KIAA0753: variants seen among roughly 807,000 people sequenced by gnomAD.
KIAA0753 encodes protein moonraker.
A neutral mutation model predicts 116.9 loss-of-function variants in KIAA0753; 114 were observed. That is an observed-to-expected ratio of 0.98 (90% CI 0.84 to 1.14). The LOEUF (loss-of-function observed/expected upper bound fraction) is 1.14, where lower values mean the gene tolerates loss of function less well. Among genes scored for constraint, KIAA0753 ranks in the 50% most tolerant of loss-of-function variants. KIAA0753 has a pLI of 0.00. For missense variants in KIAA0753, 1,156 were observed against 1,172.4 expected (o/e 0.99, Z 0.20); for synonymous variants, 405 against 413.1 (o/e 0.98, Z 0.24).
intron 12 of KIAA0753, among the ~76,000 whole-genome samples, chr17:6,603,246 CAG>C (rs2150802430): frequency 6.6e-6 from 1 of 151,642 alleles, no homozygotes; most frequent in African/African-American, 2.4e-5. Flanking sequence ...GTTTCAGAAA[CAG>C]AGAATAGAGA....
intron 16 of KIAA0753, among the ~76,000 whole-genome samples, 198 bp from the exon 17 acceptor site, chr17:6,590,828 G>A (rs1159554409): frequency 6.6e-6 from 1 of 152,084 alleles, no homozygotes; most frequent in East Asian, 1.9e-4. Flanking sequence ...AACCAATGAG[G>A]AATACGTTTT....
chr17:6,608,394 G>C lies in KIAA0753; in HGVS notation c.1783C>G (p.Gln595Glu), dbSNP rs771622791. Residue 595 changes from glutamine to glutamate, a missense_variant, in exon 10 of 19, where the codon CAA becomes GAA. Gln to Glu is a conservative substitution (Grantham distance 29, BLOSUM62 2). Transcript: ENST00000361413. ...GCACCTGTCAGGTGACTTTCCTCTT[G>C]AGGATCTTCTTGCTGGAGAGGCTCT... ...TKEPLQQEDP[Q>E]EESHLTGAVE... 1.9e-6 allele frequency: 3 copies of C among 1,561,630 alleles called. No individual in the cohort carries two copies. In the African/African-American group the frequency reaches 4.1e-5, roughly 21 times the overall value.
intron 11 of KIAA0753, 42 bp downstream of exon 11, chr17:6,607,139 T>C (rs1042462084): frequency 7.4e-6 from 11 of 1,492,000 alleles, no homozygotes; most frequent in African/African-American, 1.4e-5. Flanking sequence ...AGATGTAGAA[T>C]AGGCCTGCTT....
chr17:6,623,878 T>C, intron 4 of KIAA0753: 1 of 255,020 alleles, frequency 3.9e-6, no homozygotes, highest in South Asian at 5.5e-5. Context: ...AAGTCTTACA[T>C]GCCACGCTGA....
chr17:6,586,219 G>A (rs1031577636), intron 18 of KIAA0753, among the ~76,000 whole-genome samples: 7 of 152,136 alleles, frequency 4.6e-5, no homozygotes, highest in Admixed American at 4.6e-4. Flanking sequence ...GGTGTCCCGA[G>A]AAGCCAAGCA....
At chr17:6,626,544 A>T (rs1013545898) in intron 3 of KIAA0753, among the ~76,000 whole-genome samples, 1 of 152,046 alleles carries the variant, frequency 6.6e-6, no homozygotes, top group Non-Finnish European at 1.5e-5. Flanking sequence ...GGGGGGTTTG[A>T]AGGCTCACTG....
chr17:6,596,061 G>C, intron 15 of KIAA0753, 97 bp downstream of exon 15: 2 of 1,201,792 alleles, frequency 1.7e-6, no homozygotes, highest in Non-Finnish European at 2.4e-6. Context: ...GGGACTGTGT[G>C]ACTCTAACAG....
At chr17:6,589,260 C>CCA (rs1968810813) in intron 18 of KIAA0753, among the ~76,000 whole-genome samples, 1 of 152,130 alleles carries the variant, frequency 6.6e-6, no homozygotes, top group Admixed American at 6.5e-5. Flanking sequence ...GAGGAAGAGA[C>CCA]CACAGTTCCC....
chr17:6,633,859 A>C (rs574984860), intron 2 of KIAA0753, among the ~76,000 whole-genome samples: 1 of 152,188 alleles, frequency 6.6e-6, no homozygotes, highest in Non-Finnish European at 1.5e-5. Flanking sequence ...AAAAATAAGA[A>C]TAGTGGCTGC....
chr17:6,623,057 G>A lies in KIAA0753; in HGVS notation c.929C>T (p.Ala310Val). The A allele has an allele frequency of 4.3e-6, 7 of 1,614,010 alleles. No individual in the cohort carries two copies. Among genetic ancestry groups the A allele is most frequent in the Non-Finnish European group, 5.9e-6 (7 of 1,180,000 alleles). ...MSKLAAAHRG[A>V]IRALQMFVTQ... The stretch of plus-strand genomic sequence containing the variant: ...GACAAACATCTGTAAGGCCCGAATG[G>A]CTCCTCGATGGGCAGCCGCCAGCTT... The change falls in exon 6 of 19, where the codon GCC becomes GTC. Residue 310 changes from alanine to valine, a missense_variant. Physicochemically the swap from Ala to Val is moderately conservative, Grantham distance 64 (BLOSUM62 0). Coordinates refer to ENST00000361413, the MANE Select transcript of KIAA0753 (RefSeq NM_014804.3).
At chr17:6,583,776 T>C (rs568207244) in intron 18 of KIAA0753, among the ~76,000 whole-genome samples, 36 of 152,350 alleles carry the variant, frequency 2.4e-4, no homozygotes, top group Admixed American at 7.8e-4. Flanking sequence ...GGCACAGTTA[T>C]TTTAATGTCT....
intron 18 of KIAA0753, among the ~76,000 whole-genome samples, chr17:6,588,057 G>A (rs1170281735): frequency 6.6e-6 from 1 of 152,128 alleles, no homozygotes; most frequent in Non-Finnish European, 1.5e-5. Context: ...AAGGCAGAGT[G>A]CAGTATGGGG....
At chr17:6,633,379 GACA>G (rs747028451) in intron 2 of KIAA0753, among the ~76,000 whole-genome samples, 7 of 152,172 alleles carry the variant, frequency 4.6e-5, no homozygotes, top group Non-Finnish European at 1.0e-4. Flanking sequence ...TGGCTAAAGA[GACA>G]ACAACAAGTG....
intron 3 of KIAA0753, among the ~76,000 whole-genome samples, chr17:6,625,076 A>G (rs951107506): frequency 6.6e-6 from 1 of 152,194 alleles, no homozygotes; most frequent in African/African-American, 2.4e-5. Context: ...AAGGGACATA[A>G]AGACATTTAC....
At chr17:6,627,115 GT>G (rs1361838921) in intron 3 of KIAA0753, among the ~76,000 whole-genome samples, 2 of 152,112 alleles carry the variant, frequency 1.3e-5, no homozygotes, top group African/African-American at 2.4e-5. Flanking sequence ...TGGAATAATT[GT>G]TTTCCTTACA....
chr17:6,603,287 A>G (rs1969991654), intron 12 of KIAA0753, among the ~76,000 whole-genome samples: 1 of 152,182 alleles, frequency 6.6e-6, no homozygotes. Flanking sequence ...AAAAGTACAA[A>G]ATAAAGCACG....
At chr17:6,624,997 C>G in intron 3 of KIAA0753, 136 bp from the exon 4 acceptor site, 1 of 624,640 alleles carries the variant, frequency 1.6e-6, no homozygotes, top group Middle Eastern at 4.5e-4. Flanking sequence ...GCTATCATAA[C>G]AGAAAATTTC....
chr17:6,603,131 G>A (rs1028231621), intron 12 of KIAA0753, among the ~76,000 whole-genome samples: 1 of 152,076 alleles, frequency 6.6e-6, no homozygotes, highest in African/African-American at 2.4e-5. Flanking sequence ...ATCTCCTACT[G>A]GGGGAGGGTA....
At position 6,608,367 on chromosome 17, in the gene KIAA0753, C is replaced by T. The variant is rs542574565; in HGVS notation, c.1810G>A (p.Val604Ile). ...ACAAACCTGGCTGCTTCATGCTCAA[C>T]AGCACCTGTCAGGTGACTTTCCTCT... is the stretch of plus-strand genomic sequence containing the variant. The part of the protein sequence containing the change: ...PQEESHLTGA[V>I]EHEAARLAWL... Residue 604 changes from valine (V) to isoleucine (I), a missense_variant, in exon 10 of 19, where the codon GTT (valine) becomes ATT (isoleucine). Coordinates refer to ENST00000361413, the MANE Select transcript of KIAA0753 (RefSeq NM_014804.3). 17 of 1,527,366 alleles carry T rather than the reference C, an allele frequency of 1.1e-5. No homozygotes were observed. The East Asian group carries it at 3.2e-4, about 29-fold the overall frequency. 94.6% of individuals were successfully genotyped at this position (1,527,366 alleles called of 1,614,324 possible).
Sources: gnomAD v4.1 joint callset for allele counts (sites outside exome capture counted in the v4.1 genomes callset) on GRCh38, gnomAD v4.1.1 for gene constraint, MANE v1.5 for transcripts, NCBI Gene and HGNC (gene_info 2026-07-23, HGNC 2026-07-21) for gene names.